SPIDR: variants seen among roughly 807,000 people sequenced by gnomAD.
SPIDR encodes the protein scaffold protein involved in DNA repair.
In SPIDR, 93 loss-of-function variants were observed where a neutral mutation model predicts 104.6. That is an observed-to-expected ratio of 0.89 (90% CI 0.75 to 1.06). The LOEUF is 1.06. Among genes scored for constraint, SPIDR ranks in the 50% least tolerant of loss-of-function variants. The pLI is 0.00. For synonymous variants in SPIDR, 431 were observed against 416.9 expected, an observed-to-expected ratio of 1.03 and a Z score of -0.41; for missense variants, 1,154 against 1,111.2, an observed-to-expected ratio of 1.04 and a Z score of -0.55.
chr8:47,701,364 A>G (rs979559936), intron 12 of SPIDR, among the ~76,000 whole-genome samples: 7 of 152,186 alleles, frequency 4.6e-5, no homozygotes, highest in Non-Finnish European at 7.3e-5. Context: ...CCCATGAGGC[A>G]GACGTTGTAG....
At chr8:47,543,579 G>A (rs2088668191) in intron 8 of SPIDR, among the ~76,000 whole-genome samples, 1 of 152,178 alleles carries the variant, frequency 6.6e-6, no homozygotes, top group African/African-American at 2.4e-5. Context: ...GGTTGGCTAA[G>A]TATACATATT....
chr8:47,692,633 G>T (rs2078834680), intron 11 of SPIDR, among the ~76,000 whole-genome samples: 1 of 151,664 alleles, frequency 6.6e-6, no homozygotes, highest in Non-Finnish European at 1.5e-5. Context: ...GAGTAGCTGG[G>T]ATTACAGGTG....
intron 1 of SPIDR, 97 bp downstream of exon 1, chr8:47,261,088 G>A (rs2032043510): frequency 8.4e-7 from 1 of 1,196,834 alleles, no homozygotes; most frequent in Non-Finnish European, 1.0e-6. Context: ...TGGGGTGAGA[G>A]AGGGTGGGCG....
At chr8:47,592,404 A>T in intron 8 of SPIDR, 1 of 1,413,768 alleles carries the variant, frequency 7.1e-7, no homozygotes, top group African/African-American at 1.4e-5. Context: ...AACATACTGT[A>T]GGGGCTGCCA....
chr8:47,316,278 T>C (rs1192927588), intron 5 of SPIDR, among the ~76,000 whole-genome samples: 1 of 152,180 alleles, frequency 6.6e-6, no homozygotes, highest in East Asian at 1.9e-4. Flanking sequence ...CCCATTAGCT[T>C]AAAGAGTAAT....
chr8:47,692,493 T>TG (rs1345590708), intron 11 of SPIDR, among the ~76,000 whole-genome samples: 1 of 146,304 alleles, frequency 6.8e-6, no homozygotes, highest in African/African-American at 2.5e-5. Context: ...TTTCCTTTTT[T>TG]TTTTTTTTTT....
At chr8:47,354,549 C>G (rs1340555710) in intron 5 of SPIDR, among the ~76,000 whole-genome samples, 1 of 152,120 alleles carries the variant, frequency 6.6e-6, no homozygotes, top group East Asian at 1.9e-4. Context: ...ACAAGACGTT[C>G]AGATGCTAAT....
chr8:47,664,291 G>A (rs1014163472), intron 10 of SPIDR, among the ~76,000 whole-genome samples: 39 of 152,114 alleles, frequency 2.6e-4, no homozygotes, highest in African/African-American at 8.2e-4. Context: ...AGGCAAGCCC[G>A]GAAGACTAGT....
intron 7 of SPIDR, among the ~76,000 whole-genome samples, chr8:47,412,370 T>C (rs1381692834): frequency 1.3e-5 from 2 of 152,214 alleles, no homozygotes; most frequent in African/African-American, 2.4e-5. Context: ...AAGAATTTAA[T>C]GGGACTTGTA....
At chr8:47,271,665 A>G (rs1391324422) in intron 1 of SPIDR, among the ~76,000 whole-genome samples, 1 of 152,044 alleles carries the variant, frequency 6.6e-6, no homozygotes, top group South Asian at 2.1e-4. Context: ...TTCTTTGAAT[A>G]TATTTATAGT....
At chr8:47,732,134 C>T (rs1415506048) in intron 19 of SPIDR, 1 of 702,494 alleles carries the variant, frequency 1.4e-6, no homozygotes, top group African/African-American at 1.7e-5. Flanking sequence ...TTTAGAGATC[C>T]AGAGACCAGG....
chr8:47,622,606 G>T (rs1410728465), intron 10 of SPIDR, among the ~76,000 whole-genome samples: 2 of 152,154 alleles, frequency 1.3e-5, no homozygotes, highest in African/African-American at 4.8e-5. Flanking sequence ...CGTCCCAGGA[G>T]GATGGGGGTG....
At chr8:47,622,921 A>C (rs1411254105) in intron 10 of SPIDR, among the ~76,000 whole-genome samples, 3 of 152,162 alleles carry the variant, frequency 2.0e-5, no homozygotes, top group African/African-American at 7.2e-5. Flanking sequence ...GTAGAAAAAC[A>C]CTTGTGAGTG....
chr8:47,315,785 C>T (rs1450108392), intron 5 of SPIDR, among the ~76,000 whole-genome samples: 1 of 152,104 alleles, frequency 6.6e-6, no homozygotes, highest in African/African-American at 2.4e-5. Context: ...ATAAAAAGTG[C>T]TGGAACAACT....
chr8:47,556,846 C>T (rs1323665852), intron 8 of SPIDR, among the ~76,000 whole-genome samples: 2 of 152,058 alleles, frequency 1.3e-5, no homozygotes, highest in African/African-American at 4.8e-5. Flanking sequence ...TCAAGCAGCC[C>T]TCCCACTTCG....
At chr8:47,686,732 T>G (rs1272096869) in intron 11 of SPIDR, among the ~76,000 whole-genome samples, 5 of 152,208 alleles carry the variant, frequency 3.3e-5, no homozygotes, top group Non-Finnish European at 7.3e-5. Flanking sequence ...ATTTCTCATT[T>G]GTTTTATATT....
chr8:47,480,733 C>G (rs556766276), intron 8 of SPIDR, among the ~76,000 whole-genome samples: 1 of 152,216 alleles, frequency 6.6e-6, no homozygotes, highest in East Asian at 1.9e-4. Context: ...GGAAAAGGCA[C>G]AGCATCTTCT....
intron 8 of SPIDR, among the ~76,000 whole-genome samples, chr8:47,567,097 A>G (rs1404403392): frequency 6.6e-6 from 1 of 152,166 alleles, no homozygotes; most frequent in African/African-American, 2.4e-5. Flanking sequence ...TAATCACAGT[A>G]TAAGATAGGG....
Position 47,339,694 on chromosome 8 carries a change from T to A in SPIDR, c.525+45664T>A, listed in dbSNP as rs2050370939. On this transcript the variant is annotated intron_variant, in intron 5 of 19. Coordinates refer to ENST00000297423, the MANE Select transcript of SPIDR (RefSeq NM_001080394.4). ...TGTTTACAATCTTTTTTTTTTTTTTTTTTGAGGTGGAGTCTCGCACTGTCG... is the reference window on the plus strand; with the variant it reads ...TGTTTACAATCTTTTTTTTTTTTTTATTTGAGGTGGAGTCTCGCACTGTCG... 3.3e-5 allele frequency among the ~76,000 whole-genome samples: 5 copies of A among 151,706 alleles called. 2 individuals are homozygous for A. The South Asian group carries it at 1.0e-3, about 32-fold the overall frequency.
Sources: allele counts gnomAD v4.1 joint callset (sites outside exome capture counted in the v4.1 genomes callset), GRCh38; gene constraint gnomAD v4.1.1; transcripts MANE v1.5; gene names NCBI Gene and HGNC (gene_info 2026-07-23, HGNC 2026-07-21).